The following UBE2L3 variants were observed in gnomAD, a reference collection of about 807,000 sequenced individuals.
UBE2L3 encodes ubiquitin conjugating enzyme E2 L3.
Under a neutral mutation model 17.8 loss-of-function variants are expected in UBE2L3, and 1 was observed. The observed-to-expected ratio is 0.06, with a 90% CI of 0.02 to 0.27. The LOEUF (loss-of-function observed/expected upper bound fraction) is 0.27. Ranked by LOEUF, UBE2L3 falls within the 10% of genes least tolerant of loss-of-function variation. The pLI is 1.00. For synonymous variants in UBE2L3, 44 were observed against 68.5 expected (o/e 0.64, Z 1.76); for missense variants, 40 against 192.6 (o/e 0.21, Z 4.69).
intron 2 of UBE2L3, among the ~76,000 whole-genome samples, chr22:21,597,844 C>T (rs1928626598): frequency 1.8e-5 from 2 of 112,330 alleles, no homozygotes; most frequent in South Asian, 3.2e-4. Flanking sequence ...GGCTGGAGTA[C>T]AGTGGCATGA....
chr22:21,562,795 G>A (rs534644398), upstream of UBE2L3, among the ~76,000 whole-genome samples: 19 of 146,980 alleles, frequency 1.3e-4, no homozygotes, highest in South Asian at 2.8e-3. Context: ...GTGAGCCACC[G>A]CGCCTGGCCC....
At chr22:21,580,314 G>A (rs1244983319) in intron 1 of UBE2L3, among the ~76,000 whole-genome samples, 1 of 152,174 alleles carries the variant, frequency 6.6e-6, no homozygotes, top group Non-Finnish European at 1.5e-5. Context: ...TGCCCCACTT[G>A]CCCATCTCAG....
chr22:21,564,234 A>G (rs888007562), upstream of UBE2L3, among the ~76,000 whole-genome samples: 3 of 151,800 alleles, frequency 2.0e-5, no homozygotes, highest in Non-Finnish European at 4.4e-5. Context: ...GGGTCTCCCT[A>G]TGTTGCCCAG....
chr22:21,618,206 T>TA (rs1769981049), intron 3 of UBE2L3, among the ~76,000 whole-genome samples: 1 of 115,260 alleles, frequency 8.7e-6, no homozygotes, highest in East Asian at 2.5e-4. Flanking sequence ...TCAGACTTGA[T>TA]CAAATTAGTG....
chr22:21,577,316 G>C (rs1927370308), intron 1 of UBE2L3, among the ~76,000 whole-genome samples: 1 of 151,926 alleles, frequency 6.6e-6, no homozygotes. Flanking sequence ...TGTTGGCCAG[G>C]CTGGTCGTGA....
chr22:21,561,556 T>G (rs1354488915), intron 1 of UBE2L3, among the ~76,000 whole-genome samples: 1 of 152,226 alleles, frequency 6.6e-6, no homozygotes. Flanking sequence ...TACTCCAGCC[T>G]GGGTGACAGA....
chr22:21,615,898 T>C (rs1228674905), intron 3 of UBE2L3, among the ~76,000 whole-genome samples: 6 of 152,198 alleles, frequency 3.9e-5, no homozygotes, highest in African/African-American at 1.2e-4. Flanking sequence ...TTTGTGCTTT[T>C]TGTTGGTGAT....
At chr22:21,595,511 A>T (rs1928464376) in intron 2 of UBE2L3, among the ~76,000 whole-genome samples, 1 of 152,128 alleles carries the variant, frequency 6.6e-6, no homozygotes, top group African/African-American at 2.4e-5. Context: ...CTTAGTGGAG[A>T]GTGGTGCTGT....
intron 1 of UBE2L3, among the ~76,000 whole-genome samples, chr22:21,573,081 T>A (rs897495786): frequency 6.6e-6 from 1 of 152,104 alleles, no homozygotes; most frequent in Non-Finnish European, 1.5e-5. Context: ...TAATGGTTCA[T>A]CTAAACTCCT....
intron 1 of UBE2L3, chr22:21,568,356 T>C: frequency 2.0e-6 from 2 of 985,468 alleles, no homozygotes; most frequent in Non-Finnish European, 2.4e-6. Context: ...TGTCGCCTTG[T>C]GACTGCAGAG....
intron 1 of UBE2L3, among the ~76,000 whole-genome samples, chr22:21,584,554 A>G (rs559815743): frequency 6.6e-6 from 1 of 151,860 alleles, no homozygotes; most frequent in East Asian, 2.0e-4. Context: ...CCCAGACTGG[A>G]GTGCAGTGGC....
At chr22:21,573,949 A>G (rs993858719) in intron 1 of UBE2L3, among the ~76,000 whole-genome samples, 1 of 152,122 alleles carries the variant, frequency 6.6e-6, no homozygotes, top group African/African-American at 2.4e-5. Flanking sequence ...CTACCTCTCT[A>G]TAGAGGGGTC....
In UBE2L3 at chr22:21,619,192, A is replaced by G. The variant is rs1324042687; in HGVS notation, c.311-2323A>G. Among the ~76,000 whole-genome samples, 4 of 152,210 alleles carry G rather than the reference A, an allele frequency of 2.6e-5. No individual in the cohort carries two copies. In the East Asian group the frequency reaches 7.7e-4, roughly 29 times the overall value. ...CACCGAGGGTGGTGTGCACTGAAAT[A>G]CACTGTGGCCAGTCAGCCAAGGGTG... On this transcript the variant is annotated intron_variant, in intron 3 of 3. Transcript: ENST00000342192.
At chr22:21,565,579 C>T (rs861787), upstream of UBE2L3, among the ~76,000 whole-genome samples, 23,196 of 149,862 alleles carry the variant, frequency 0.15, 2,418 homozygotes, top group Non-Finnish European at 0.24. Context: ...ATGCTAAAAC[C>T]CTGTCTCTAC....
chr22:21,574,586 G>C (rs929715041), intron 1 of UBE2L3, among the ~76,000 whole-genome samples: 10 of 152,316 alleles, frequency 6.6e-5, no homozygotes, highest in Non-Finnish European at 1.2e-4. Flanking sequence ...TCATCACTGA[G>C]AGCCCATTCT....
intron 1 of UBE2L3, among the ~76,000 whole-genome samples, chr22:21,582,034 C>T (rs1296879782): frequency 2.6e-5 from 4 of 150,950 alleles, no homozygotes; most frequent in Non-Finnish European, 1.5e-5. Flanking sequence ...GCAGGAGAAT[C>T]GCTTGAACCT....
intron 1 of UBE2L3, among the ~76,000 whole-genome samples, chr22:21,587,289 C>G (rs900583893): frequency 6.6e-6 from 1 of 152,034 alleles, no homozygotes; most frequent in African/African-American, 2.4e-5. Context: ...CTCCCTGGTT[C>G]AAGCTATTCT....
chr22:21,568,734 G>A (rs1469494035), intron 1 of UBE2L3, among the ~76,000 whole-genome samples: 1 of 152,000 alleles, frequency 6.6e-6, no homozygotes, highest in African/African-American at 2.4e-5. Context: ...GCAACGGGCC[G>A]GAAATTAAAA....
At chr22:21,595,869 A>G (rs1434605682) in intron 2 of UBE2L3, among the ~76,000 whole-genome samples, 1 of 151,604 alleles carries the variant, frequency 6.6e-6, no homozygotes, top group Non-Finnish European at 1.5e-5. Context: ...TTTTTCATGC[A>G]GTTTCTTTTT....
Sources: allele counts gnomAD v4.1 joint callset (sites outside exome capture counted in the v4.1 genomes callset), GRCh38; gene constraint gnomAD v4.1.1; transcripts MANE v1.5; gene names NCBI Gene and HGNC (gene_info 2026-07-23, HGNC 2026-07-21).